KAZN: variants seen among roughly 807,000 people sequenced by gnomAD.
The protein encoded by KAZN is kazrin.
Under a neutral mutation model 87.4 loss-of-function variants are expected in KAZN, and 40 were observed. The observed-to-expected ratio is 0.46, with a 90% CI of 0.36 to 0.60. The LOEUF (loss-of-function observed/expected upper bound fraction) is 0.60. Among genes scored for constraint, KAZN ranks in the 20% least tolerant of loss-of-function variants. The pLI is 0.00. For missense variants in KAZN, 898 were observed against 1,073.9 expected, an observed-to-expected ratio of 0.84 and a Z score of 2.29; for synonymous variants, 466 against 458.3, an observed-to-expected ratio of 1.02 and a Z score of -0.22.
intron 8 of KAZN, among the ~76,000 whole-genome samples, chr1:15,080,850 C>T (rs1465388623): frequency 6.6e-6 from 1 of 152,148 alleles, no homozygotes; most frequent in African/African-American, 2.4e-5. Flanking sequence ...TTAGGGCATG[C>T]TGGGGACGCT....
rs1037509670 is a variant in KAZN, at chr1:14,996,395, G to A, written c.418+35520G>A. On this transcript the variant is annotated intron_variant, in intron 2 of 14. Transcript: ENST00000376030. The surrounding 1 kb of genome is among the most constrained non-coding windows in gnomAD (Gnocchi z 5.9). ...CTTGGCTGTCCCGGCACATCATGGG[G>A]GCCTCAGAGGCAGGGACTGTGACTT... Among the ~76,000 whole-genome samples, 1 of 152,156 alleles carries A rather than the reference G, an allele frequency of 6.6e-6. No homozygotes were observed. The highest frequency in any genetic ancestry group is 1.5e-5 in the Non-Finnish European group (1 of 68,012).
At chr1:14,514,595 TTATATATATATATATATATATATA>T (rs754845099) in intron 2 of KAZN, among the ~76,000 whole-genome samples, 3,840 of 66,384 alleles carry the variant, frequency 0.058, 384 homozygotes, top group Middle Eastern at 0.13. Flanking sequence ...TTTTTATATT[TTATATATATATATATATATATATA>T]TATATATATA....
At chr1:14,596,791 G>T (rs148427782), upstream of KAZN, among the ~76,000 whole-genome samples, 1 of 152,076 alleles carries the variant, frequency 6.6e-6, no homozygotes, top group Non-Finnish European at 1.5e-5. Context: ...TACTCTTCAC[G>T]GCTGAGTAAT....
chr1:14,883,624 T>C (rs1653729287), intron 1 of KAZN, among the ~76,000 whole-genome samples: 1 of 151,886 alleles, frequency 6.6e-6, no homozygotes, highest in Non-Finnish European at 1.5e-5. Flanking sequence ...CTTATTAGAA[T>C]AATGTACCTG....
chr1:14,120,261 A>T (rs1644722090), intron 1 of KAZN, among the ~76,000 whole-genome samples: 1 of 146,522 alleles, frequency 6.8e-6, no homozygotes, highest in Admixed American at 6.7e-5. Flanking sequence ...ACATGGGCAG[A>T]GAAGGAGCAA....
intron 2 of KAZN, among the ~76,000 whole-genome samples, chr1:14,272,456 C>T (rs1652022036): frequency 6.6e-6 from 1 of 152,208 alleles, no homozygotes. Context: ...GCAAATCAAT[C>T]AAACTTTCAT....
At chr1:14,763,996 A>G (rs1356323261) in intron 1 of KAZN, among the ~76,000 whole-genome samples, 1 of 152,080 alleles carries the variant, frequency 6.6e-6, no homozygotes, top group Admixed American at 6.5e-5. Flanking sequence ...TGATCCACCC[A>G]TCTCGGCCTC....
At chr1:14,363,188 G>C (rs1659667917) in intron 2 of KAZN, among the ~76,000 whole-genome samples, 1 of 152,132 alleles carries the variant, frequency 6.6e-6, no homozygotes. Flanking sequence ...TGGCAGTTGG[G>C]GACTCTGAAA....
In KAZN at chr1:14,789,760, C is replaced by CAAAAAA. The variant is rs3032757; in HGVS notation, c.227-170892_227-170887dup. Among the ~76,000 whole-genome samples, 13 of 46,252 alleles carry CAAAAAA rather than the reference C, an allele frequency of 2.8e-4. 1 individual carries two copies. Among genetic ancestry groups the CAAAAAA allele is most frequent in the Admixed American group, 7.3e-4 (2 of 2,752 alleles). The allele number at this position is 46,252 out of a possible 152,430, so 30.3% of individuals were successfully genotyped here. On this transcript the variant is annotated intron_variant, in intron 1 of 14. Coordinates refer to ENST00000376030, the MANE Select transcript of KAZN (RefSeq NM_201628.3). ...GCAAGGACTCTAAGCTCCTCATTAC[C>CAAAAAA]AAAAAAAAAAAAAAAAAAAAAAAAA...
At chr1:15,101,463 T>C (rs1485923028) in intron 10 of KAZN, 80 bp from the exon 11 acceptor site, 3 of 925,622 alleles carry the variant, frequency 3.2e-6, no homozygotes, top group East Asian at 5.3e-5. Context: ...TCTCTCTGCA[T>C]CTCCACCCAT....
At chr1:14,309,772 A>G (rs1468195289) in intron 2 of KAZN, among the ~76,000 whole-genome samples, 2 of 151,522 alleles carry the variant, frequency 1.3e-5, no homozygotes, top group East Asian at 3.9e-4. Flanking sequence ...GGGTTTTTCT[A>G]TGTTCCCCAG....
chr1:13,938,613 G>A (rs562431908), intron 1 of KAZN, among the ~76,000 whole-genome samples: 17 of 152,326 alleles, frequency 1.1e-4, no homozygotes, highest in African/African-American at 2.2e-4. Context: ...AACCCTCACA[G>A]ATAATCTTTA....
At chr1:14,280,857 A>G (rs1652794586) in intron 2 of KAZN, among the ~76,000 whole-genome samples, 3 of 152,272 alleles carry the variant, frequency 2.0e-5, no homozygotes, top group African/African-American at 7.2e-5. Context: ...CTTCTGCCTC[A>G]TAATGACTCT....
chr1:14,092,564 T>C (rs954674957), intron 1 of KAZN, among the ~76,000 whole-genome samples: 1 of 128,836 alleles, frequency 7.8e-6, no homozygotes, highest in Non-Finnish European at 1.8e-5. Flanking sequence ...TATACACACA[T>C]ATATACATAT....
chr1:14,173,580 A>G (rs1044969363), intron 1 of KAZN, among the ~76,000 whole-genome samples: 6 of 152,192 alleles, frequency 3.9e-5, no homozygotes, highest in Non-Finnish European at 7.3e-5. Context: ...TGAGAAAGAG[A>G]TAGCTAACCT....
At chr1:14,154,962 C>CTTCCTTCCTTCCTTCCTTCT (rs1645559514) in intron 1 of KAZN, among the ~76,000 whole-genome samples, 1 of 149,026 alleles carries the variant, frequency 6.7e-6, no homozygotes, top group African/African-American at 2.5e-5. Context: ...TTCTTCCTTC[C>CTTCCTTCCTTCCTTCCTTCT]TTCCTTCCTT....
At chr1:14,935,326 T>C (rs1390103937) in intron 1 of KAZN, among the ~76,000 whole-genome samples, 1 of 152,152 alleles carries the variant, frequency 6.6e-6, no homozygotes, top group Non-Finnish European at 1.5e-5. Flanking sequence ...CTGCAACCTC[T>C]GCCTCCTGGG....
Position 14,923,915 on chromosome 1 carries a change from C to G in KAZN, c.227-36769C>G, listed in dbSNP as rs72638369. On this transcript the variant is annotated intron_variant, in intron 1 of 14. Coordinates refer to ENST00000376030, the MANE Select transcript of KAZN (RefSeq NM_201628.3). This position sits in a 1 kb window ranked among gnomAD's most constrained non-coding sequence, Gnocchi z 4.2. Reference sequence around the variant, plus strand: ...TCCGTCACAGCCACCCCTGTGACATCGGCCGTCTTTCTGACCCTCCGTGTC... The same window carrying G: ...TCCGTCACAGCCACCCCTGTGACATGGGCCGTCTTTCTGACCCTCCGTGTC... Among the ~76,000 whole-genome samples, 19,742 of 152,144 alleles carry G rather than the reference C, an allele frequency of 0.13. 1,398 individuals carry two copies. The highest frequency in any genetic ancestry group is 0.18 in the Middle Eastern group (52 of 294).
chr1:15,032,500 T>G (rs570557625), intron 2 of KAZN, among the ~76,000 whole-genome samples: 1 of 152,186 alleles, frequency 6.6e-6, no homozygotes, highest in South Asian at 2.1e-4. Context: ...CTGTGGACAT[T>G]TCATATAAAT....
Sources: gnomAD v4.1 joint callset for allele counts (sites outside exome capture counted in the v4.1 genomes callset) on GRCh38, gnomAD v4.1.1 for gene constraint, Gnocchi (gnomAD v3.1) non-coding constraint, MANE v1.5 for transcripts, NCBI Gene and HGNC (gene_info 2026-07-23, HGNC 2026-07-21) for gene names.